The following ACTN4 variants were observed in gnomAD, a reference collection of about 807,000 sequenced individuals.
The protein encoded by ACTN4 is actinin alpha 4.
Under a neutral mutation model 114.2 loss-of-function variants are expected in ACTN4, and 18 were observed. The ratio of observed to expected loss-of-function variants is 0.16; its 90% CI spans 0.11 to 0.23. The LOEUF is 0.23. Ranked by LOEUF, ACTN4 falls within the 10% of genes least tolerant of loss-of-function variation. ACTN4 has a pLI of 1.00. For synonymous variants in ACTN4, 515 were observed against 506.3 expected, an observed-to-expected ratio of 1.02 and a Z score of -0.23; for missense variants, 722 against 1,262.9, an observed-to-expected ratio of 0.57 and a Z score of 6.49.
intron 1 of ACTN4, among the ~76,000 whole-genome samples, chr19:38,680,254 A>C (rs1352434422): frequency 7.6e-6 from 1 of 132,286 alleles, no homozygotes; most frequent in Admixed American, 8.6e-5. Context: ...TTAAAGTCAG[A>C]GTCTCACTCA....
At chr19:38,673,334 T>G (rs183151341) in intron 1 of ACTN4, among the ~76,000 whole-genome samples, 26 of 150,530 alleles carry the variant, frequency 1.7e-4, no homozygotes, top group African/African-American at 6.4e-4. Context: ...GTCCTTCTTC[T>G]TGTCCTCATG....
intron 3 of ACTN4, among the ~76,000 whole-genome samples, chr19:38,701,333 G>C (rs993865778): frequency 2.6e-5 from 4 of 152,132 alleles, no homozygotes; most frequent in African/African-American, 9.7e-5. Flanking sequence ...AAATCCGGTG[G>C]GCGCAGTCCA....
chr19:38,681,129 GAAAAA>G (rs35906770), intron 1 of ACTN4, among the ~76,000 whole-genome samples: 4 of 69,274 alleles, frequency 5.8e-5, no homozygotes, highest in Admixed American at 4.0e-4. Flanking sequence ...CCAATCTCTA[GAAAAA>G]AAAAAAAAAA....
chr19:38,691,407 A>C (rs1232558391), intron 1 of ACTN4, among the ~76,000 whole-genome samples: 2 of 147,746 alleles, frequency 1.4e-5, no homozygotes, highest in African/African-American at 2.5e-5. Flanking sequence ...GTCTCAAAAA[A>C]AAAAAAACAA....
chr19:38,668,640 C>T (rs1036004223), intron 1 of ACTN4, among the ~76,000 whole-genome samples: 1 of 151,992 alleles, frequency 6.6e-6, no homozygotes, highest in Non-Finnish European at 1.5e-5. Context: ...GAGCCGAGGT[C>T]GTGCCACTGC....
chr19:38,681,598 C>G (rs115409754), intron 1 of ACTN4, among the ~76,000 whole-genome samples: 1 of 152,224 alleles, frequency 6.6e-6, no homozygotes, highest in African/African-American at 2.4e-5. Flanking sequence ...CAATCGCGCT[C>G]TCCTTTCAAG....
chr19:38,731,279 G>T lies in ACTN4; in HGVS notation c.*1847G>T. 7.4e-7 allele frequency: 1 copy of T among 1,344,232 alleles called. No homozygotes were observed. The highest frequency in any genetic ancestry group is 1.1e-6 in the Non-Finnish European group (1 of 940,082). The allele number at this position is 1,344,232 out of a possible 1,614,324, so 83.3% of individuals were successfully genotyped here. The stretch of plus-strand genomic sequence containing the variant: ...CCCACAGGGAACCCACCTTGGCATT[G>T]CATCCCCACCCCACCTCCTCAGGGA... On this transcript the variant is annotated 3_prime_UTR_variant, in exon 21 of 21. Transcript: ENST00000252699.
intron 1 of ACTN4, among the ~76,000 whole-genome samples, chr19:38,682,792 A>G (rs1023647470): frequency 6.6e-6 from 1 of 152,030 alleles, no homozygotes; most frequent in South Asian, 2.1e-4. Context: ...ACCAGGCCCG[A>G]GTTCCCACCT....
At chr19:38,671,704 A>G (rs1329970864) in intron 1 of ACTN4, among the ~76,000 whole-genome samples, 1 of 152,238 alleles carries the variant, frequency 6.6e-6, no homozygotes, top group Non-Finnish European at 1.5e-5. Context: ...ATTTTTTCCT[A>G]AACTCTAATT....
chr19:38,709,615 T>G, intron 7 of ACTN4, 139 bp downstream of exon 7: 1 of 770,652 alleles, frequency 1.3e-6, no homozygotes, highest in South Asian at 1.4e-5. Flanking sequence ...CAAGAAGGGC[T>G]GAATGATTCT....
At chr19:38,655,007 C>T (rs1976672730) in intron 1 of ACTN4, among the ~76,000 whole-genome samples, 1 of 152,152 alleles carries the variant, frequency 6.6e-6, no homozygotes, top group African/African-American at 2.4e-5. Flanking sequence ...CATTCTCTCC[C>T]CCTCCCCCAG....
At chr19:38,678,508 G>A (rs1967448486) in intron 1 of ACTN4, among the ~76,000 whole-genome samples, 1 of 152,184 alleles carries the variant, frequency 6.6e-6, no homozygotes, top group Non-Finnish European at 1.5e-5. Context: ...GGGAAGTCTA[G>A]GCTGTCTTTG....
Position 38,725,822 on chromosome 19 carries a change from C to A in ACTN4, c.2109C>A (p.Asn703Lys). ...GCAGCATCGTGGACTACAAGCCCAA[C>A]CTGGACCTGCTGGAGCAGCAGCACC... ...YERSIVDYKPNLDLLEQQHQL... is the reference protein window; with the variant it reads ...YERSIVDYKPKLDLLEQQHQL... The change falls in exon 17 of 21, where the codon AAC (asparagine) becomes AAA (lysine). Residue 703 changes from asparagine to lysine, a missense_variant. Asn to Lys is a moderately conservative substitution (Grantham distance 94). Coordinates refer to ENST00000252699, the MANE Select transcript of ACTN4 (RefSeq NM_004924.6). 1 of 1,614,192 alleles carries A rather than the reference C, an allele frequency of 6.2e-7. No individual in the cohort carries two copies. The highest frequency in any genetic ancestry group is 1.1e-5 in the South Asian group (1 of 91,088).
chr19:38,675,706 C>T (rs1967352051), intron 1 of ACTN4, among the ~76,000 whole-genome samples: 1 of 152,230 alleles, frequency 6.6e-6, no homozygotes, highest in Non-Finnish European at 1.5e-5. Flanking sequence ...AGGTTTCAGC[C>T]TCTACCACAA....
Position 38,694,861 on chromosome 19 carries a change from G to A in ACTN4, c.163-5739G>A, listed in dbSNP as rs553935513. 7.9e-5 allele frequency among the ~76,000 whole-genome samples: 12 copies of A among 151,882 alleles called. No individual in the cohort carries two copies. In the East Asian group the frequency reaches 1.6e-3, roughly 20 times the overall value. On this transcript the variant is annotated intron_variant, in intron 1 of 20. Coordinates refer to ENST00000252699, the MANE Select transcript of ACTN4 (RefSeq NM_004924.6). ...AATATGTCATGCCCCCCGCACCCCC[G>A]TGCTGAATGTAATTTTGCGGGGGGG...
At chr19:38,723,882 T>G in intron 13 of ACTN4, 55 bp from the exon 14 acceptor site, 2 of 1,558,618 alleles carry the variant, frequency 1.3e-6, no homozygotes, top group Non-Finnish European at 1.8e-6. Context: ...CCCCTCCTGC[T>G]CACATACTGA....
chr19:38,731,191 G>T lies in ACTN4; in HGVS notation c.*1759G>T. On this transcript the variant is annotated 3_prime_UTR_variant, in exon 21 of 21. Transcript: ENST00000252699. ...CGGCTATCCCGGTAGCGGCTGGTGAGGGTCTGGGTCAGCTGGTTGTTCAGG... is the reference window on the plus strand; with the variant it reads ...CGGCTATCCCGGTAGCGGCTGGTGATGGTCTGGGTCAGCTGGTTGTTCAGG... The T allele has an allele frequency of 6.2e-7, 1 of 1,612,892 alleles. No individual in the cohort carries two copies. Among genetic ancestry groups the T allele is most frequent in the Non-Finnish European group, 8.5e-7 (1 of 1,180,026 alleles).
chr19:38,703,331 C>T (rs1276159632), intron 3 of ACTN4, among the ~76,000 whole-genome samples: 2 of 151,744 alleles, frequency 1.3e-5, no homozygotes, highest in African/African-American at 2.4e-5. Flanking sequence ...CTCTGCCTCC[C>T]GGGCTCAAGC....
At chr19:38,684,461 C>G (rs2144933939) in intron 1 of ACTN4, among the ~76,000 whole-genome samples, 1 of 152,302 alleles carries the variant, frequency 6.6e-6, no homozygotes, top group East Asian at 1.9e-4. Flanking sequence ...GGACAAACCA[C>G]TCCTCCCTTG....
Sources: allele counts gnomAD v4.1 joint callset (sites outside exome capture counted in the v4.1 genomes callset), GRCh38; gene constraint gnomAD v4.1.1; transcripts MANE v1.5; gene names NCBI Gene and HGNC (gene_info 2026-07-23, HGNC 2026-07-21).